ERO1B: variants seen among roughly 807,000 people sequenced by gnomAD.
ERO1B encodes ERO1-like protein beta.
In ERO1B, 49 loss-of-function variants were observed where a neutral mutation model predicts 75.3. The observed-to-expected ratio is 0.65, with a 90% CI of 0.52 to 0.83. ERO1B has a LOEUF of 0.83. ERO1B is among the 40% of genes least tolerant of loss of function. The probability of loss-of-function intolerance (pLI) is 0.00; values close to 1 mark genes in which losing one functional copy is unlikely to be tolerated. For synonymous variants in ERO1B, 191 were observed against 192.9 expected (o/e 0.99, Z 0.08); for missense variants, 512 against 560.1 (o/e 0.91, Z 0.87).
At position 236,226,369 on chromosome 1, in the gene ERO1B, C is replaced by A. The variant is rs769057560; in HGVS notation, c.952G>T (p.Ala318Ser). ...ACAATTGAGCGCTCAAAATATGGAG[C>A]CACCTTTGACAAAGCTCGAAGCTCA... is the stretch of plus-strand genomic sequence containing the variant. The part of the protein sequence containing the change: ...LIELRALSKV[A>S]PYFERSIVDL... The change falls in exon 12 of 16, where the codon GCT (alanine) becomes TCT (serine). Residue 318 changes from alanine to serine, a missense_variant. Ala to Ser is a moderately conservative substitution (Grantham distance 99, BLOSUM62 1). Transcript: ENST00000354619. 2 of 1,614,002 alleles carry A rather than the reference C, an allele frequency of 1.2e-6. No homozygotes were observed. The highest frequency in any genetic ancestry group is 8.5e-7 in the Non-Finnish European group (1 of 1,179,974).
At position 236,218,511 on chromosome 1, in the gene ERO1B, CT is replaced by C; in HGVS notation, c.*4del. 1 of 1,435,712 alleles carries C rather than the reference CT, an allele frequency of 7.0e-7. No individual in the cohort carries two copies. Among genetic ancestry groups the C allele is most frequent in the East Asian group, 2.8e-5 (1 of 36,234 alleles). 88.9% of individuals were successfully genotyped at this position (1,435,712 alleles called of 1,614,324 possible). A position where few individuals can be genotyped will look rare whatever the true frequency, so the allele number is the denominator to read the frequency against. On this transcript the variant is annotated 3_prime_UTR_variant, in exon 16 of 16. Transcript: ENST00000354619. Reference sequence around the variant, plus strand: ...TGTCTCTAGTTAGACACATAAAAGCCTTTATTACCTACTGTGTTGTAATAAG... The same window carrying C: ...TGTCTCTAGTTAGACACATAAAAGCCTTATTACCTACTGTGTTGTAATAAG...
intron 8 of ERO1B, among the ~76,000 whole-genome samples, chr1:236,233,886 G>A (rs1351193953): frequency 6.6e-6 from 1 of 152,164 alleles, no homozygotes; most frequent in African/African-American, 2.4e-5. Context: ...CTAGAGGTGA[G>A]GAAGAGGCCA....
At chr1:236,261,445 T>C (rs939518016) in intron 2 of ERO1B, among the ~76,000 whole-genome samples, 1 of 152,174 alleles carries the variant, frequency 6.6e-6, no homozygotes, top group African/African-American at 2.4e-5. Context: ...TGGTGATAAA[T>C]TCTGCAAAGT....
At chr1:236,229,432 A>AG (rs1280215848) in intron 10 of ERO1B, among the ~76,000 whole-genome samples, 1 of 152,150 alleles carries the variant, frequency 6.6e-6, no homozygotes, top group Non-Finnish European at 1.5e-5. Context: ...CAAAAAAAAA[A>AG]AAAAGAAATA....
chr1:236,245,340 A>G (rs1558513132), intron 5 of ERO1B, among the ~76,000 whole-genome samples: 13 of 30,190 alleles, frequency 4.3e-4, no homozygotes, highest in African/African-American at 6.6e-4. Context: ...GTATATATAT[A>G]CGTATATATA....
intron 2 of ERO1B, chr1:236,267,724 T>C (rs937414539): frequency 1.3e-5 from 2 of 152,232 alleles, no homozygotes; most frequent in Non-Finnish European, 2.9e-5. Flanking sequence ...CAGCTACAAA[T>C]GCACTTAGAT....
intron 11 of ERO1B, 56 bp downstream of exon 11, chr1:236,226,591 C>T (rs1664285699): frequency 6.3e-7 from 1 of 1,594,550 alleles, no homozygotes; most frequent in Non-Finnish European, 8.5e-7. Flanking sequence ...TATGTATTCT[C>T]TCCAATAATT....
intron 9 of ERO1B, 127 bp downstream of exon 9, chr1:236,232,701 C>G: frequency 1.7e-6 from 1 of 597,454 alleles, no homozygotes; most frequent in Non-Finnish European, 2.7e-6. Flanking sequence ...GGTCACCATT[C>G]ATTAGTAGCT....
Position 236,236,367 on chromosome 1 carries a change from G to A in ERO1B, c.537C>T (p.Asp179=), listed in dbSNP as rs1395641804. 1.9e-6 allele frequency: 3 copies of A among 1,613,786 alleles called. No individual in the cohort carries two copies. The Admixed American group carries it at 5.0e-5, about 27-fold the overall frequency. The change falls in exon 7 of 16, where the codon GAC becomes GAT. Residue 179 remains aspartate (D), a synonymous_variant. Transcript: ENST00000354619. The part of the protein sequence containing the change: ...DERSPAAQYV[D]LLLNPERYTG... ...TGTAACGCTCTGGGTTCAGCAATAG[G>A]TCTACATACTGAGCAGCTGGAGATC...
In ERO1B at chr1:236,281,767, C is replaced by A. The variant is rs1022762334; in HGVS notation, c.17G>T (p.Arg6Leu). The A allele has an allele frequency of 4.0e-6, 6 of 1,514,256 alleles. No individual in the cohort carries two copies. In the African/African-American group the frequency reaches 5.7e-5, roughly 14 times the overall value. The allele number at this position is 1,514,256 out of a possible 1,614,324, so 93.8% of individuals were successfully genotyped here. A position where few individuals can be genotyped will look rare whatever the true frequency, so the allele number is the denominator to read the frequency against. ...TACCCCCTGCCCAGCGCCTGCCCGGCGGACCCCTTGGCTCATGCTGACCTC... is the reference window on the plus strand; with the variant it reads ...TACCCCCTGCCCAGCGCCTGCCCGGAGGACCCCTTGGCTCATGCTGACCTC... MSQGV[R>L]RAGAGQGVAA... The change falls in exon 1 of 16, where the codon CGC (arginine) becomes CTC (leucine). Residue 6 changes from arginine to leucine, a missense_variant. By Grantham distance (102) the Arg-to-Leu change is moderately radical. Coordinates refer to ENST00000354619, the MANE Select transcript of ERO1B (RefSeq NM_019891.4).
At chr1:236,221,688 A>G (rs1664146457) in intron 14 of ERO1B, 1 of 419,882 alleles carries the variant, frequency 2.4e-6, no homozygotes, top group Non-Finnish European at 4.2e-6. Context: ...GTATTGTATC[A>G]ATAGAAACAT....
intron 3 of ERO1B, 105 bp downstream of exon 3, chr1:236,253,317 G>C: frequency 1.5e-6 from 1 of 677,936 alleles, no homozygotes; most frequent in South Asian, 1.9e-5. Flanking sequence ...TGAATTTGCT[G>C]ACACATCCAA....
intron 10 of ERO1B, among the ~76,000 whole-genome samples, chr1:236,229,939 G>C (rs549190999): frequency 1.3e-5 from 2 of 152,264 alleles, no homozygotes; most frequent in South Asian, 4.1e-4. Context: ...GAAGTAGTTT[G>C]AATGAACATT....
At position 236,217,485 on chromosome 1, in the gene ERO1B, T is replaced by A. The variant is rs983344063; in HGVS notation, c.*1031A>T. On this transcript the variant is annotated 3_prime_UTR_variant, in exon 16 of 16. Transcript: ENST00000354619. ...TTGACCTAATCTACCTTTTTATATA[T>A]CCTGTCAGGGAAAAGCACACTGAGT... 6 of 152,540 alleles carry A rather than the reference T, an allele frequency of 3.9e-5. No individual in the cohort carries two copies. Among genetic ancestry groups the A allele is most frequent in the Non-Finnish European group, 5.9e-5 (4 of 67,984 alleles). 9.4% of individuals were successfully genotyped at this position (152,540 alleles called of 1,614,324 possible).
chr1:236,228,559 T>C (rs549287862), intron 10 of ERO1B, among the ~76,000 whole-genome samples: 26 of 152,354 alleles, frequency 1.7e-4, no homozygotes, highest in Admixed American at 1.7e-3. Context: ...GCAATTCAAT[T>C]ACACAATTTA....
intron 4 of ERO1B, 94 bp downstream of exon 4, chr1:236,251,956 C>A: frequency 1.1e-6 from 1 of 915,144 alleles, no homozygotes; most frequent in Non-Finnish European, 1.7e-6. Flanking sequence ...CCCAACTAAC[C>A]ATAATATGGT....
intron 6 of ERO1B, among the ~76,000 whole-genome samples, chr1:236,238,216 A>G (rs1216222662): frequency 6.6e-6 from 1 of 152,212 alleles, no homozygotes; most frequent in East Asian, 1.9e-4. Flanking sequence ...CTCTATTTCT[A>G]GCTCTAAATT....
intron 6 of ERO1B, among the ~76,000 whole-genome samples, chr1:236,239,499 T>C (rs1424084892): frequency 6.6e-6 from 1 of 152,050 alleles, no homozygotes; most frequent in Non-Finnish European, 1.5e-5. Context: ...GAGCAACGTG[T>C]GTGGCAGAAA....
At chr1:236,225,203 C>A in intron 12 of ERO1B, 64 bp from the exon 13 acceptor site, 2 of 1,462,766 alleles carry the variant, frequency 1.4e-6, no homozygotes, top group East Asian at 2.3e-5. Context: ...GTATCAGAAA[C>A]CTGATAAAAT....
Sources: allele counts gnomAD v4.1 joint callset (sites outside exome capture counted in the v4.1 genomes callset), GRCh38; gene constraint gnomAD v4.1.1; transcripts MANE v1.5; gene names NCBI Gene and HGNC (gene_info 2026-07-23, HGNC 2026-07-21).